The following RYR2 variants were observed in gnomAD, a reference collection of about 807,000 sequenced individuals.
RYR2 encodes cardiac muscle ryanodine receptor-calcium release channel.
In RYR2, 227 loss-of-function variants were observed where a neutral mutation model predicts 601.1. That is an observed-to-expected ratio of 0.38 (90% CI 0.34 to 0.42). The LOEUF (loss-of-function observed/expected upper bound fraction) is 0.42. Among genes scored for constraint, RYR2 ranks in the 10% least tolerant of loss-of-function variants. The probability of loss-of-function intolerance (pLI) is 1.00; values close to 1 mark genes in which losing one functional copy is unlikely to be tolerated. For missense variants in RYR2, 4,646 were observed against 6,156.5 expected (o/e 0.75, Z 8.21); for synonymous variants, 2,223 against 2,175.1 (o/e 1.02, Z -0.61).
chr1:237,460,175 A>T (rs1659311276), intron 16 of RYR2, among the ~76,000 whole-genome samples: 2 of 152,136 alleles, frequency 1.3e-5, no homozygotes, highest in South Asian at 4.1e-4. Context: ...AGTACTGCAT[A>T]CTTTCTTTCT....
intron 16 of RYR2, among the ~76,000 whole-genome samples, chr1:237,461,222 C>A (rs756338854): frequency 3.9e-5 from 6 of 152,190 alleles, no homozygotes; most frequent in African/African-American, 7.2e-5. Context: ...CACAGTATCG[C>A]ACATCTGCAT....
intron 29 of RYR2, among the ~76,000 whole-genome samples, chr1:237,571,315 CTTT>C (rs71561888): frequency 4.5e-5 from 6 of 134,274 alleles, no homozygotes; most frequent in Admixed American, 7.7e-5. Context: ...CTTTTCTTTT[CTTT>C]TTTTTTTTTT....
At position 237,717,205 on chromosome 1, in the gene RYR2, T is replaced by A; in HGVS notation, c.10331T>A (p.Val3444Asp). 2 of 1,613,456 alleles carry A rather than the reference T, an allele frequency of 1.2e-6. No homozygotes were observed. The highest frequency in any genetic ancestry group is 8.5e-7 in the Non-Finnish European group (1 of 1,179,584). ...DTKSKMSKAA[V>D]SDQERKKMKR... ...CTTCTCTTTGTTCCATAGGCAGCTG[T>A]TTCTGATCAGGAAAGGAAGAAAATG... Residue 3444 changes from valine (V) to aspartate (D), a missense_variant, in exon 72 of 105, where the codon GTT becomes GAT. By Grantham distance (152) the Val-to-Asp change is radical. This residue lies in a region of RYR2 where 1,497 missense variants were observed against 1,842.6 expected (regional missense o/e 0.81). Transcript: ENST00000366574.
At chr1:237,158,685 T>C (rs2148849803) in intron 1 of RYR2, among the ~76,000 whole-genome samples, 1 of 152,320 alleles carries the variant, frequency 6.6e-6, no homozygotes, top group Non-Finnish European at 1.5e-5. Context: ...ACTAATAGTC[T>C]GTGAGCTCCT....
chr1:237,267,104 G>A (rs926824919), intron 1 of RYR2, among the ~76,000 whole-genome samples: 1 of 152,162 alleles, frequency 6.6e-6, no homozygotes, highest in Non-Finnish European at 1.5e-5. Flanking sequence ...ACATACTGAT[G>A]GGCATCTCCA....
intron 27 of RYR2, among the ~76,000 whole-genome samples, chr1:237,551,530 C>CAA (rs34940458): frequency 0.67 from 60,694 of 90,388 alleles, 21,149 homozygotes; most frequent in East Asian, 0.72. Context: ...GACTCCGTCT[C>CAA]AAAAAAAAAA....
intron 82 of RYR2, among the ~76,000 whole-genome samples, chr1:237,758,169 A>C (rs149387664): frequency 6.6e-6 from 1 of 152,204 alleles, no homozygotes; most frequent in Non-Finnish European, 1.5e-5. Flanking sequence ...TAAAACACTT[A>C]ATCTCTCCAA....
At chr1:237,237,154 C>T (rs1685630975) in intron 1 of RYR2, among the ~76,000 whole-genome samples, 1 of 152,256 alleles carries the variant, frequency 6.6e-6, no homozygotes, top group African/African-American at 2.4e-5. Flanking sequence ...CCTCCCCAGC[C>T]ATGCTGAACT....
At chr1:237,125,793 G>A (rs1671343289) in intron 1 of RYR2, among the ~76,000 whole-genome samples, 1 of 152,160 alleles carries the variant, frequency 6.6e-6, no homozygotes, top group Non-Finnish European at 1.5e-5. Context: ...AAGAGACCTT[G>A]TTACTTATAA....
At chr1:237,400,177 A>G (rs1703220910) in intron 10 of RYR2, among the ~76,000 whole-genome samples, 1 of 151,848 alleles carries the variant, frequency 6.6e-6, no homozygotes, top group South Asian at 2.1e-4. Flanking sequence ...AAACTAGACA[A>G]AATGTTCAAG....
chr1:237,732,199 C>G, intron 78 of RYR2, 50 bp downstream of exon 78: 1 of 1,090,466 alleles, frequency 9.2e-7, no homozygotes, highest in Non-Finnish European at 1.4e-6. Context: ...AATAAAGACA[C>G]CCGTGTCTGA....
intron 1 of RYR2, among the ~76,000 whole-genome samples, chr1:237,088,899 G>T (rs1363824955): frequency 1.3e-5 from 2 of 152,186 alleles, no homozygotes; most frequent in African/African-American, 4.8e-5. Flanking sequence ...AATTTCAGTT[G>T]TTTCCAGTAC....
intron 2 of RYR2, among the ~76,000 whole-genome samples, chr1:237,306,516 A>G (rs1267080201): frequency 5.3e-5 from 8 of 152,232 alleles, no homozygotes. Flanking sequence ...TTTGGATATT[A>G]ATGAGAATGG....
At chr1:237,824,221 CA>C (rs1187144380) in intron 101 of RYR2, among the ~76,000 whole-genome samples, 2 of 152,048 alleles carry the variant, frequency 1.3e-5, no homozygotes, top group South Asian at 2.1e-4. Context: ...AGAGACACAA[CA>C]AAAAAAGAAA....
intron 38 of RYR2, among the ~76,000 whole-genome samples, chr1:237,619,725 C>T (rs1678873279): frequency 6.6e-6 from 1 of 151,854 alleles, no homozygotes; most frequent in South Asian, 2.1e-4. Context: ...AATGACACTA[C>T]CTACAGGGGG....
At position 237,640,766 on chromosome 1, in the gene RYR2, A is replaced by G. The variant is rs976000919; in HGVS notation, c.7116-131A>G. ...CCTTAAAAACGTCAAGCTCTACATT[A>G]TAACATATATGAAACATATCAGAAA... On this transcript the variant is annotated intron_variant, in intron 46 of 104. Coordinates refer to ENST00000366574, the MANE Select transcript of RYR2 (RefSeq NM_001035.3). 4.2e-6 allele frequency: 3 copies of G among 712,142 alleles called. No homozygotes were observed. In the African/African-American group the frequency reaches 5.3e-5, roughly 12 times the overall value. The allele number at this position is 712,142 out of a possible 1,614,324, so 44.1% of individuals were successfully genotyped here.
In RYR2 at chr1:237,700,400, C is replaced by T. The variant is rs758695855; in HGVS notation, c.9300C>T (p.Ala3100=). ...AGATTATCAATTACACCACAGTGGC[C>T]CTGCTGCCAATGCTGTCTTCATTAT... The part of the protein sequence containing the change: ...VTQIINYTTV[A]LLPMLSSLFE... Residue 3100 remains alanine (A), a synonymous_variant, in exon 65 of 105, where the codon GCC becomes GCT. Coordinates refer to ENST00000366574, the MANE Select transcript of RYR2 (RefSeq NM_001035.3). The T allele has an allele frequency of 1.2e-6, 2 of 1,610,084 alleles. No individual in the cohort carries two copies. Among genetic ancestry groups the T allele is most frequent in the South Asian group, 1.1e-5 (1 of 90,102 alleles).
In RYR2 at chr1:237,792,382, C is replaced by CGTGTGT. The variant is rs1359233766; in HGVS notation, c.13782+69_13782+74dup. The CGTGTGT allele has an allele frequency of 1.1e-3, 757 of 667,002 alleles. 16 individuals carry two copies. Among genetic ancestry groups the CGTGTGT allele is most frequent in the African/African-American group, 6.5e-3 (274 of 42,260 alleles). 41.3% of individuals were successfully genotyped at this position (667,002 alleles called of 1,614,324 possible). ...GTGTGTGTGTGTGTGTGTGTGTGTG[C>CGTGTGT]GTGTGTGTGTGTGTGCGTGTGTGTG... On this transcript the variant is annotated intron_variant, in intron 94 of 104. Coordinates refer to ENST00000366574, the MANE Select transcript of RYR2 (RefSeq NM_001035.3).
At chr1:237,640,677 A>T (rs1681372988) in intron 46 of RYR2, among the ~76,000 whole-genome samples, 1 of 152,182 alleles carries the variant, frequency 6.6e-6, no homozygotes, top group African/African-American at 2.4e-5. Flanking sequence ...TAATACTAAA[A>T]TTTCCACAGA....
Sources: gnomAD v4.1 joint callset for allele counts (sites outside exome capture counted in the v4.1 genomes callset) on GRCh38, gnomAD v4.1.1 for gene constraint, gnomAD v4.1.1 regional missense constraint, MANE v1.5 for transcripts, NCBI Gene and HGNC (gene_info 2026-07-23, HGNC 2026-07-21) for gene names.